Variants in HMCN2 observed in about 807,000 individuals in gnomAD.
HMCN2 encodes the protein hemicentin-2.
Under a neutral mutation model 377.5 loss-of-function variants are expected in HMCN2, and 325 were observed. The observed-to-expected ratio is 0.86, with a 90% CI of 0.79 to 0.94. HMCN2 has a LOEUF of 0.94. HMCN2 is among the 40% of genes least tolerant of loss of function. The pLI is 0.00. For missense variants in HMCN2, 4,543 were observed against 4,725.3 expected, an observed-to-expected ratio of 0.96 and a Z score of 1.13; for synonymous variants, 2,007 against 2,046.8, an observed-to-expected ratio of 0.98 and a Z score of 0.53.
chr9:130,291,951 G>C (rs1242619688), intron 4 of HMCN2, among the ~76,000 whole-genome samples: 12 of 150,932 alleles, frequency 8.0e-5, no homozygotes, highest in African/African-American at 2.9e-4. Context: ...AGCTGTTCAA[G>C]AGGCATGGAT....
At chr9:130,377,372 C>G (rs1188313010) in intron 52 of HMCN2, among the ~76,000 whole-genome samples, 1 of 152,170 alleles carries the variant, frequency 6.6e-6, no homozygotes, top group African/African-American at 2.4e-5. Flanking sequence ...CTTGGCCTCC[C>G]AAAGTTCCGG....
chr9:130,424,688 C>A (rs2131811419), intron 87 of HMCN2, 88 bp from the exon 88 acceptor site: 2 of 1,364,254 alleles, frequency 1.5e-6, no homozygotes, highest in East Asian at 5.5e-5. Flanking sequence ...CTCCTGGGGG[C>A]AGTGGGGAGC....
At chr9:130,371,354 C>G (rs1040213499) in intron 46 of HMCN2, among the ~76,000 whole-genome samples, 5 of 151,492 alleles carry the variant, frequency 3.3e-5, no homozygotes, top group African/African-American at 4.8e-5. Flanking sequence ...GCTTCCTGCT[C>G]TGTTCATCTA....
At chr9:130,295,620 C>A (rs1554931749) in intron 5 of HMCN2, 46 bp from the exon 6 acceptor site, 1 of 453,058 alleles carries the variant, frequency 2.2e-6, no homozygotes, top group East Asian at 7.2e-5. Flanking sequence ...CTCCTGCCAC[C>A]CCCAGCAAAG....
At chr9:130,313,249 T>C (rs1837359854) in intron 15 of HMCN2, among the ~76,000 whole-genome samples, 1 of 151,710 alleles carries the variant, frequency 6.6e-6, no homozygotes. Flanking sequence ...GGAATGGGTG[T>C]GTACTGTGCC....
chr9:130,328,478 C>T (rs1013055696), intron 22 of HMCN2, among the ~76,000 whole-genome samples: 18 of 152,278 alleles, frequency 1.2e-4, no homozygotes, highest in Middle Eastern at 6.8e-3. Flanking sequence ...CGCCGTGGTG[C>T]GTTAATAGGT....
Position 130,359,429 on chromosome 9 carries a change from C to T in HMCN2, c.5773+15C>T, listed in dbSNP as rs1840236512. 21 of 1,278,162 alleles carry T rather than the reference C, an allele frequency of 1.6e-5. No homozygotes were observed. Among genetic ancestry groups the T allele is most frequent in the Non-Finnish European group, 2.1e-5 (20 of 966,384 alleles). The allele number at this position is 1,278,162 out of a possible 1,614,324, so 79.2% of individuals were successfully genotyped here. ...GCCCCCTCCTGGTAAGACCCCTCCTCTTGGCTGAAAGCTACTTCCAGCCCA... is the reference window on the plus strand; with the variant it reads ...GCCCCCTCCTGGTAAGACCCCTCCTTTTGGCTGAAAGCTACTTCCAGCCCA... On this transcript the variant is annotated intron_variant, in intron 37 of 97. Transcript: ENST00000683500.
At chr9:130,316,818 A>G (rs1837585961) in intron 15 of HMCN2, among the ~76,000 whole-genome samples, 1 of 152,174 alleles carries the variant, frequency 6.6e-6, no homozygotes, top group African/African-American at 2.4e-5. Context: ...AAGCAGAGAT[A>G]AGGCCCTGGG....
chr9:130,337,156 A>C (rs1056150222), intron 22 of HMCN2, among the ~76,000 whole-genome samples: 2 of 152,132 alleles, frequency 1.3e-5, no homozygotes, highest in Non-Finnish European at 2.9e-5. Flanking sequence ...TCATGTCTGC[A>C]GGGGGCCCTT....
At position 130,351,470 on chromosome 9, in the gene HMCN2, A is replaced by T; in HGVS notation, c.4478A>T (p.Gln1493Leu). 1 of 1,304,282 alleles carries T rather than the reference A, an allele frequency of 7.7e-7. No individual in the cohort carries two copies. The highest frequency in any genetic ancestry group is 1.5e-5 in the African/African-American group (1 of 66,000). The allele number at this position is 1,304,282 out of a possible 1,614,324, so 80.8% of individuals were successfully genotyped here. ...GPHLQVQEDG[Q>L]VLRITGSHVG... is the part of the protein sequence containing the mutation. ...CACCTGCAGGTCCAGGAGGATGGCC[A>T]GGTTCTCAGGATCACCGGCAGTCAC... The change falls in exon 30 of 98, where the codon CAG (glutamine) becomes CTG (leucine). Residue 1493 changes from glutamine to leucine, a missense_variant. Transcript: ENST00000683500. The surrounding 1 kb of genome is among the most constrained non-coding windows in gnomAD (Gnocchi z 5.4).
intron 16 of HMCN2, among the ~76,000 whole-genome samples, 157 bp downstream of exon 16, chr9:130,319,852 G>A (rs1837756258): frequency 6.6e-6 from 1 of 152,146 alleles, no homozygotes; most frequent in South Asian, 2.1e-4. Flanking sequence ...GGTGGCTCTG[G>A]CCAAGTCATT....
At chr9:130,421,615 C>T (rs962764582) in intron 86 of HMCN2, among the ~76,000 whole-genome samples, 4 of 152,168 alleles carry the variant, frequency 2.6e-5, no homozygotes, top group East Asian at 1.9e-4. Context: ...CTGCAGCTCC[C>T]GATCTCTTCT....
At chr9:130,282,134 T>C (rs1351716866) in intron 1 of HMCN2, among the ~76,000 whole-genome samples, 1 of 152,238 alleles carries the variant, frequency 6.6e-6, no homozygotes, top group African/African-American at 2.4e-5. Flanking sequence ...GGACCTCATA[T>C]TGAAGCAACA....
Position 130,386,497 on chromosome 9 carries a change from G to T in HMCN2, c.9364G>T (p.Val3122Leu), listed in dbSNP as rs1044559218. 3.8e-6 allele frequency: 5 copies of T among 1,303,566 alleles called. No homozygotes were observed. Among genetic ancestry groups the T allele is most frequent in the African/African-American group, 1.5e-5 (1 of 65,974 alleles). 80.7% of individuals were successfully genotyped at this position (1,303,566 alleles called of 1,614,324 possible). Residue 3122 changes from valine (V) to leucine (L), a missense_variant, in exon 61 of 98, where the codon GTG becomes TTG. By Grantham distance (32) the Val-to-Leu change is conservative. Transcript: ENST00000683500. Reference protein sequence around the residue: ...CKVSNVAGEAVRTFTLTVQVP... With the variant: ...CKVSNVAGEALRTFTLTVQVP... ...AGTCAGCAACGTGGCTGGGGAGGCC[G>T]TGCGGACCTTCACCCTCACCGTCCA...
At chr9:130,296,520 G>T (rs1836160857) in intron 6 of HMCN2, among the ~76,000 whole-genome samples, 154 bp from the exon 7 acceptor site, 1 of 152,160 alleles carries the variant, frequency 6.6e-6, no homozygotes, top group African/African-American at 2.4e-5. Flanking sequence ...CATCGTGCTG[G>T]GCCCCTTGGG....
rs1397796392 is a variant in HMCN2 at position 130,295,002 on chromosome 9, G to C, written c.760G>C (p.Glu254Gln). 1 of 470,260 alleles carries C rather than the reference G, an allele frequency of 2.1e-6. No individual in the cohort carries two copies. The highest frequency in any genetic ancestry group is 2.0e-5 in the African/African-American group (1 of 50,054). The allele number at this position is 470,260 out of a possible 1,614,324, so 29.1% of individuals were successfully genotyped here. The change falls in exon 5 of 98, where the codon GAG becomes CAG. Residue 254 changes from glutamate to glutamine, a missense_variant. By Grantham distance (29) the Glu-to-Gln change is conservative (BLOSUM62 2). This residue lies in a region of HMCN2 where 547 missense variants were observed against 189.9 expected (regional missense o/e 2.88). Transcript: ENST00000683500. Reference protein sequence around the residue: ...VTISLSGPGPEIEVQDPLGRI... With the variant: ...VTISLSGPGPQIEVQDPLGRI... ...CATCTCATTGAGTGGGCCAGGGCCT[G>C]AGATTGAAGTCCAAGATCCGCTGGG...
intron 25 of HMCN2, among the ~76,000 whole-genome samples, chr9:130,342,807 C>T (rs889181883): frequency 1.1e-4 from 16 of 152,212 alleles, no homozygotes; most frequent in South Asian, 2.1e-4. Context: ...GTGGTCAGCC[C>T]GCCTCTCCCC....
rs576609451 is a variant in HMCN2, at chr9:130,406,153, G to A, written c.12538G>A (p.Asp4180Asn). ...CCCTCGCATTGGCTGGACTGTCAAC[G>A]ACCGGCCAGTCACAGGTCTGGGTCT... ...PTPRIGWTVN[D>N]RPVTEGVSEQ... Residue 4180 changes from aspartate (D) to asparagine (N), a missense_variant, in exon 82 of 98, where the codon GAC (aspartate) becomes AAC (asparagine). By Grantham distance (23) the Asp-to-Asn change is conservative. This residue lies in a region of HMCN2 where 1,073 missense variants were observed against 1,319.5 expected (regional missense o/e 0.81). Coordinates refer to ENST00000683500, the MANE Select transcript of HMCN2 (RefSeq NM_001291815.2). The A allele has an allele frequency of 2.2e-5, 28 of 1,289,852 alleles. No homozygotes were observed. The highest frequency in any genetic ancestry group is 9.9e-5 in the South Asian group (8 of 81,026). The allele number at this position is 1,289,852 out of a possible 1,614,324, so 79.9% of individuals were successfully genotyped here. A position where few individuals can be genotyped will look rare whatever the true frequency, so the allele number is the denominator to read the frequency against.
At position 130,319,230 on chromosome 9, in the gene HMCN2, G is replaced by C. The variant is rs941695818; in HGVS notation, c.2351-265G>C. Among the ~76,000 whole-genome samples, 34 of 152,224 alleles carry C rather than the reference G, an allele frequency of 2.2e-4. No individual in the cohort carries two copies. The East Asian group carries it at 6.6e-3, about 29-fold the overall frequency. On this transcript the variant is annotated intron_variant, in intron 15 of 97. Coordinates refer to ENST00000683500, the MANE Select transcript of HMCN2 (RefSeq NM_001291815.2). ...TGTCACAGCCAGGAGTGGGCATGCT[G>C]CTCCCTCCCCTGCACCTCTGGGGTA... is the stretch of plus-strand genomic sequence containing the variant.
Sources: gnomAD v4.1 joint callset for allele counts (sites outside exome capture counted in the v4.1 genomes callset) on GRCh38, gnomAD v4.1.1 for gene constraint, gnomAD v4.1.1 regional missense constraint, Gnocchi (gnomAD v3.1) non-coding constraint, MANE v1.5 for transcripts, NCBI Gene and HGNC (gene_info 2026-07-23, HGNC 2026-07-21) for gene names.